Variants in MOGS observed in about 807,000 individuals in gnomAD.
The protein encoded by MOGS is mannosyl-oligosaccharide glucosidase, also known as epididymis secretory sperm binding protein.
Under a neutral mutation model 68.5 loss-of-function variants are expected in MOGS, and 45 were observed. That is an observed-to-expected ratio of 0.66 (90% CI 0.52 to 0.84). The LOEUF (loss-of-function observed/expected upper bound fraction) is 0.84, where lower values mean the gene tolerates loss of function less well. Among genes scored for constraint, MOGS ranks in the 40% least tolerant of loss-of-function variants. The pLI is 0.00. For synonymous variants in MOGS, 492 were observed against 461.2 expected, an observed-to-expected ratio of 1.07 and a Z score of -0.86; for missense variants, 1,020 against 1,095.0, an observed-to-expected ratio of 0.93 and a Z score of 0.97.
chr2:74,461,215 C>T lies in MOGS; in HGVS notation c.*60G>A. On this transcript the variant is annotated 3_prime_UTR_variant, in exon 4 of 4. Transcript: ENST00000448666. Reference sequence around the variant, plus strand: ...AGGGGCTGGGGGCAAAAGCCAGAAGCCTTTGTCCCTTCAGAGCCAGAGTGG... The same window carrying T: ...AGGGGCTGGGGGCAAAAGCCAGAAGTCTTTGTCCCTTCAGAGCCAGAGTGG... 2 of 1,602,942 alleles carry T rather than the reference C, an allele frequency of 1.2e-6. No individual in the cohort carries two copies. The highest frequency in any genetic ancestry group is 1.7e-6 in the Non-Finnish European group (2 of 1,174,376).
Position 74,462,549 on chromosome 2 carries a change from C to T in MOGS, c.1240G>A (p.Asp414Asn), listed in dbSNP as rs552987571. 6.2e-6 allele frequency: 10 copies of T among 1,610,816 alleles called. No homozygotes were observed. In the East Asian group the frequency reaches 2.0e-4, roughly 32 times the overall value. The change falls in exon 4 of 4, where the codon GAC becomes AAC. Residue 414 changes from aspartate (D) to asparagine (N), a missense_variant. By Grantham distance (23) the Asp-to-Asn change is conservative. This residue lies in a region of MOGS where 569 missense variants were observed against 571.9 expected (regional missense o/e 0.99). Coordinates refer to ENST00000448666, the MANE Select transcript of MOGS (RefSeq NM_006302.3). Reference protein sequence around the residue: ...YFYGQGLVLPDIGVEGSEQKV... With the variant: ...YFYGQGLVLPNIGVEGSEQKV... ...TGCTCAGACCCTTCCACCCCGATGT[C>T]TGGCAATACCAGCCCTTGTCCGTAG...
At chr2:74,464,142 A>G (rs1299699514) in intron 2 of MOGS, among the ~76,000 whole-genome samples, 2 of 151,140 alleles carry the variant, frequency 1.3e-5, no homozygotes, top group Non-Finnish European at 2.9e-5. Flanking sequence ...TATTTTCAGT[A>G]GAGACGGTGT....
In MOGS at chr2:74,464,573, G is replaced by A. The variant is rs1021862601; in HGVS notation, c.502C>T (p.Leu168Phe). 6.2e-7 allele frequency: 1 copy of A among 1,614,028 alleles called. No homozygotes were observed. The highest frequency in any genetic ancestry group is 1.3e-5 in the African/African-American group (1 of 74,932). The change falls in exon 2 of 4, where the codon CTC (leucine) becomes TTC (phenylalanine). Residue 168 changes from leucine (L) to phenylalanine (F), a missense_variant. This residue lies in a region of MOGS where 569 missense variants were observed against 571.9 expected (regional missense o/e 0.99). Transcript: ENST00000448666. ...GGCCTCTTGACGAACTCAGTGGTGA[G>A]CCTTAAGGCCCCATCCTGGATGTGT... The part of the protein sequence containing the change: ...RQHIQDGALR[L>F]TTEFVKRPGG...
rs754246972 is a variant in MOGS, at chr2:74,462,043, C to A, written c.1746G>T (p.Leu582=). 30 of 1,614,058 alleles carry A rather than the reference C, an allele frequency of 1.9e-5. No individual in the cohort carries two copies. The South Asian group carries it at 3.2e-4, about 17-fold the overall frequency. ...LLNPKTLPSG[L]DDYPRASHPS... is the part of the protein sequence containing the mutation. ...GGTGTGAAGCCCGGGGGTAGTCATC[C>A]AGCCCAGAGGGTAGGGTCTTGGGGT... The change falls in exon 4 of 4, where the codon CTG becomes CTT. Residue 582 remains leucine (L), a synonymous_variant. Coordinates refer to ENST00000448666, the MANE Select transcript of MOGS (RefSeq NM_006302.3).
rs1672040646 is a variant in MOGS at position 74,465,339 on chromosome 2, GGCGACCACCGTCCGGTTA to G, written c.-110_-93del. 1 of 778,966 alleles carries G rather than the reference GGCGACCACCGTCCGGTTA, an allele frequency of 1.3e-6. No individual in the cohort carries two copies. The highest frequency in any genetic ancestry group is 3.2e-5 in the South Asian group (1 of 30,844). 48.3% of individuals were successfully genotyped at this position (778,966 alleles called of 1,614,324 possible). A position where few individuals can be genotyped will look rare whatever the true frequency, so the allele number is the denominator to read the frequency against. ...CTCTCCGGCTCCCGCCTCTCGCCCT[GGCGACCACCGTCCGGTTA>G]GCGACACCTGCCAGCCAGCGCCTGC... On this transcript the variant is annotated 5_prime_UTR_variant, in exon 1 of 4. Transcript: ENST00000448666.
intron 2 of MOGS, 154 bp downstream of exon 2, chr2:74,464,342 G>T: frequency 1.5e-6 from 1 of 658,870 alleles, no homozygotes; most frequent in Non-Finnish European, 2.6e-6. Context: ...GGAAATCAAG[G>T]CTTAGAGATG....
In MOGS at chr2:74,464,528, C is replaced by A. The variant is rs1672011032; in HGVS notation, c.547G>T (p.Asp183Tyr). Reference sequence around the variant, plus strand: ...TCTACAGTCACTCTCCAGCTCCAGTCCCCTCCGTGCTGACCCCCAGGCCTC... The same window carrying A: ...TCTACAGTCACTCTCCAGCTCCAGTACCCTCCGTGCTGACCCCCAGGCCTC... ...VKRPGGQHGG[D>Y]WSWRVTVEPQ... The change falls in exon 2 of 4, where the codon GAC becomes TAC. Residue 183 changes from aspartate to tyrosine, a missense_variant. Transcript: ENST00000448666. 2 of 1,614,030 alleles carry A rather than the reference C, an allele frequency of 1.2e-6. No homozygotes were observed. The highest frequency in any genetic ancestry group is 2.7e-5 in the African/African-American group (2 of 74,934).
At position 74,465,070 on chromosome 2, in the gene MOGS, G is replaced by A; in HGVS notation, c.178C>T (p.Arg60Cys). The A allele has an allele frequency of 6.4e-7, 1 of 1,555,200 alleles. No homozygotes were observed. The highest frequency in any genetic ancestry group is 8.7e-7 in the Non-Finnish European group (1 of 1,151,506). Reference protein sequence around the residue: ...VLSLALGMSGRWVLAWYRARR... With the variant: ...VLSLALGMSGCWVLAWYRARR... ...GCACGGTACCACGCCAGCACCCAGC[G>A]CCCCGACATACCCAGGGCCAAAGAC... is the stretch of plus-strand genomic sequence containing the variant. Residue 60 changes from arginine to cysteine, a missense_variant, in exon 1 of 4, where the codon CGC (arginine) becomes TGC (cysteine). Arg to Cys is a radical substitution (Grantham distance 180). Coordinates refer to ENST00000448666, the MANE Select transcript of MOGS (RefSeq NM_006302.3).
Position 74,463,249 on chromosome 2 carries a change from G to A in MOGS, c.717C>T (p.Asp239=), listed in dbSNP as rs756021166. Residue 239 remains aspartate (D), a synonymous_variant, in exon 3 of 4, where the codon GAC becomes GAT. Coordinates refer to ENST00000448666, the MANE Select transcript of MOGS (RefSeq NM_006302.3). ...FISGHTSELG[D]FRFTLLPPTS... The stretch of plus-strand genomic sequence containing the variant: ...TTGGTGGCAAAAGTGTAAAGCGGAA[G>A]TCACCAAGTTCACTGGTGTGCCCAC... 14 of 1,614,196 alleles carry A rather than the reference G, an allele frequency of 8.7e-6. No individual in the cohort carries two copies. The highest frequency in any genetic ancestry group is 1.1e-5 in the Non-Finnish European group (13 of 1,180,038).
chr2:74,462,678 GCTCT>G lies in MOGS; in HGVS notation c.1107_1110del (p.Arg369SerfsTer9), dbSNP rs1671959011. 6.2e-7 allele frequency: 1 copy of G among 1,614,090 alleles called. No homozygotes were observed. Among genetic ancestry groups the G allele is most frequent in the African/African-American group, 1.3e-5 (1 of 74,944 alleles). ...TTCAGCTGGAAGGTCTTCTCAAAGC[GCTCT>G]CTAAAGCCTTCAGCATGGCTCTCCA... On this transcript the variant is annotated frameshift_variant, in exon 4 of 4. Transcript: ENST00000448666. LOFTEE classifies it high-confidence loss of function.
rs200056332 is a variant in MOGS, at chr2:74,461,630, C to T, written c.2159G>A (p.Arg720His). ...TAAACCAAAGGGGCTCCAGAGATGG[C>T]GGCTGTCGGCTAGAATGTCCAGCAG... ...GPLLDILADSRHLWSPFGLRS... is the reference protein window; with the variant it reads ...GPLLDILADSHHLWSPFGLRS... Residue 720 changes from arginine to histidine, a missense_variant, in exon 4 of 4, where the codon CGC (arginine) becomes CAC (histidine). By Grantham distance (29) the Arg-to-His change is conservative (BLOSUM62 0). Around this residue, in one of 3 missense-constraint regions of MOGS, gnomAD observed 270 missense variants for 261.3 expected, o/e 1.03. Coordinates refer to ENST00000448666, the MANE Select transcript of MOGS (RefSeq NM_006302.3). The T allele has an allele frequency of 9.9e-6, 16 of 1,613,946 alleles. No individual in the cohort carries two copies. Among genetic ancestry groups the T allele is most frequent in the Middle Eastern group, 1.7e-4 (1 of 6,060 alleles).
At position 74,462,225 on chromosome 2, in the gene MOGS, T is replaced by C; in HGVS notation, c.1564A>G (p.Met522Val). ...PPTLLLPVAH[M>V]LEVGDPDDLA... ...TCGTCAGGGTCACCAACCTCTAGCA[T>C]ATGGGCTACAGGCAAAAGTAGGGTT... Residue 522 changes from methionine to valine, a missense_variant, in exon 4 of 4, where the codon ATG becomes GTG. Physicochemically the swap from Met to Val is conservative, Grantham distance 21. Coordinates refer to ENST00000448666, the MANE Select transcript of MOGS (RefSeq NM_006302.3). 3 of 1,614,052 alleles carry C rather than the reference T, an allele frequency of 1.9e-6. No individual in the cohort carries two copies. Among genetic ancestry groups the C allele is most frequent in the East Asian group, 2.2e-5 (1 of 44,868 alleles).
In MOGS at chr2:74,462,208, G is replaced by A. The variant is rs200508287; in HGVS notation, c.1581C>T (p.Asp527=). Residue 527 remains aspartate (D), a synonymous_variant, in exon 4 of 4, where the codon GAC becomes GAT. Transcript: ENST00000448666. ...TTCGGAGGAAAGCCAAGTCGTCAGG[G>A]TCACCAACCTCTAGCATATGGGCTA... The part of the protein sequence containing the change: ...LPVAHMLEVG[D]PDDLAFLRKA... The A allele has an allele frequency of 6.2e-7, 1 of 1,614,164 alleles. No individual in the cohort carries two copies. The highest frequency in any genetic ancestry group is 8.5e-7 in the Non-Finnish European group (1 of 1,180,026).
chr2:74,462,529 A>T lies in MOGS; in HGVS notation c.1260T>A (p.Ser420=). ...AGAGGGCTGGGTCCACCTTCTGCTC[A>T]GACCCTTCCACCCCGATGTCTGGCA... ...LVLPDIGVEG[S]EQKVDPALFP... is the part of the protein sequence containing the mutation. The change falls in exon 4 of 4, where the codon TCT becomes TCA. Residue 420 remains serine (S), a synonymous_variant. Coordinates refer to ENST00000448666, the MANE Select transcript of MOGS (RefSeq NM_006302.3). 1 of 1,609,480 alleles carries T rather than the reference A, an allele frequency of 6.2e-7. No homozygotes were observed. Among genetic ancestry groups the T allele is most frequent in the Non-Finnish European group, 8.5e-7 (1 of 1,177,008 alleles).
chr2:74,462,498 G>C lies in MOGS; in HGVS notation c.1291C>G (p.Pro431Ala), dbSNP rs767709208. ...EQKVDPALFP[P>A]VPLFTAVPSR... ...GGCACTGCTGTAAAAAGAGGTACGG[G>C]TGGAAAGAGGGCTGGGTCCACCTTC... Residue 431 changes from proline to alanine, a missense_variant, in exon 4 of 4, where the codon CCC becomes GCC. By Grantham distance (27) the Pro-to-Ala change is conservative. This residue lies in a region of MOGS where 569 missense variants were observed against 571.9 expected (regional missense o/e 0.99). Transcript: ENST00000448666. The C allele has an allele frequency of 6.2e-7, 1 of 1,608,276 alleles. No individual in the cohort carries two copies. Among genetic ancestry groups the C allele is most frequent in the East Asian group, 2.2e-5 (1 of 44,766 alleles).
In MOGS at chr2:74,462,619, C is replaced by A; in HGVS notation, c.1170G>T (p.Leu390Phe). The change falls in exon 4 of 4, where the codon TTG becomes TTT. Residue 390 changes from leucine (L) to phenylalanine (F), a missense_variant. Around this residue, in one of 3 missense-constraint regions of MOGS, gnomAD observed 569 missense variants for 571.9 expected, o/e 0.99. Transcript: ENST00000448666. ...GGAGGCCGCTGAGGGCAGCCTGACC[C>A]AAAACCTGCTCGCCAGAGCTCAGGC... Reference protein sequence around the residue: ...EKGLSSGEQVLGQAALSGLLG... With the variant: ...EKGLSSGEQVFGQAALSGLLG... The A allele has an allele frequency of 6.2e-7, 1 of 1,614,168 alleles. No homozygotes were observed. The highest frequency in any genetic ancestry group is 8.5e-7 in the Non-Finnish European group (1 of 1,180,038).
chr2:74,462,273 G>T lies in MOGS; in HGVS notation c.1516C>A (p.Arg506=), dbSNP rs781213245. Residue 506 remains arginine (R), a synonymous_variant, in exon 4 of 4, where the codon CGA becomes AGA. Coordinates refer to ENST00000448666, the MANE Select transcript of MOGS (RefSeq NM_006302.3). ...ARVPPEFLVQ[R]AVHANPPTLL... Reference sequence around the variant, plus strand: ...GTTGGGGGGTTGGCGTGGACTGCTCGTTGTACTAGGAATTCTGGAGGCACC... The same window carrying T: ...GTTGGGGGGTTGGCGTGGACTGCTCTTTGTACTAGGAATTCTGGAGGCACC... The T allele has an allele frequency of 4.3e-6, 7 of 1,613,914 alleles. No individual in the cohort carries two copies. The highest frequency in any genetic ancestry group is 5.9e-6 in the Non-Finnish European group (7 of 1,180,022).
Position 74,462,979 on chromosome 2 carries a change from C to A in MOGS, c.810G>T (p.Leu270=), listed in dbSNP as rs1284777296. Residue 270 remains leucine (L), a synonymous_variant, in exon 4 of 4, where the codon CTG becomes CTT. Transcript: ENST00000448666. The stretch of plus-strand genomic sequence containing the variant: ...TCTTTACCATCTCTGTCAGCAGGGG[C>A]AGTCCTGGGTTGGAGGTCCAGAAGA... ...YNVFWTSNPG[L]PLLTEMVKSR... is the part of the protein sequence containing the mutation. The A allele has an allele frequency of 8.7e-6, 14 of 1,614,146 alleles. No homozygotes were observed. The highest frequency in any genetic ancestry group is 1.2e-5 in the Non-Finnish European group (14 of 1,180,048).
At chr2:74,464,003 A>G (rs1672001244) in intron 2 of MOGS, among the ~76,000 whole-genome samples, 1 of 137,444 alleles carries the variant, frequency 7.3e-6, no homozygotes, top group Non-Finnish European at 1.5e-5. Flanking sequence ...CTTGTTGCCC[A>G]GGCTGGAGTG....
Sources: allele counts gnomAD v4.1 joint callset (sites outside exome capture counted in the v4.1 genomes callset), GRCh38; gene constraint gnomAD v4.1.1; regional missense constraint gnomAD v4.1.1; transcripts MANE v1.5; gene names NCBI Gene and HGNC (gene_info 2026-07-23, HGNC 2026-07-21).